The following NBAS variants were observed in gnomAD, a reference collection of about 807,000 sequenced individuals.
NBAS encodes NBAS subunit of NRZ tethering complex, also known as NAG/BC035112 fusion.
NBAS carries 219 observed loss-of-function variants against 302.5 expected under a neutral mutation model. The ratio of observed to expected loss-of-function variants is 0.72; its 90% confidence interval spans 0.65 to 0.81. The LOEUF (loss-of-function observed/expected upper bound fraction) is 0.81. Ranked by LOEUF, NBAS falls within the 30% of genes least tolerant of loss-of-function variation. The pLI is 0.00. For missense variants in NBAS, 2,932 were observed against 2,841.6 expected (o/e 1.03, Z -0.72); for synonymous variants, 1,118 against 1,021.6 (o/e 1.09, Z -1.80).
chr2:15,492,674 T>C (rs1011523919), intron 11 of NBAS, among the ~76,000 whole-genome samples: 5 of 152,096 alleles, frequency 3.3e-5, no homozygotes, highest in African/African-American at 1.2e-4. Context: ...TTGCCCATGC[T>C]GGTCTCAAAC....
the NBAS span, among the ~76,000 whole-genome samples, chr2:14,934,979 A>G: frequency 6.6e-6 from 1 of 152,116 alleles, no homozygotes; most frequent in Non-Finnish European, 1.5e-5. Flanking sequence ...CTATCCCAGG[A>G]TTTCTGAAAT....
intron 48 of NBAS, among the ~76,000 whole-genome samples, chr2:15,214,543 G>A (rs1002597055): frequency 6.6e-6 from 1 of 152,156 alleles, no homozygotes; most frequent in Non-Finnish European, 1.5e-5. Flanking sequence ...TCTAGTTCTA[G>A]GAATCTGTGA....
At chr2:14,871,318 C>G in the NBAS span, among the ~76,000 whole-genome samples, 2 of 151,890 alleles carry the variant, frequency 1.3e-5, no homozygotes, top group Non-Finnish European at 2.9e-5. Context: ...CTCCTAGAAC[C>G]AAGTCTCACA....
the NBAS span, among the ~76,000 whole-genome samples, chr2:14,988,553 C>T: frequency 6.6e-6 from 1 of 152,004 alleles, no homozygotes; most frequent in African/African-American, 2.4e-5. Context: ...TGTCATAGTT[C>T]CAATGACAAC....
At chr2:15,359,917 T>C (rs1005212213) in intron 32 of NBAS, among the ~76,000 whole-genome samples, 31 of 152,070 alleles carry the variant, frequency 2.0e-4, no homozygotes, top group Admixed American at 1.4e-3. Flanking sequence ...TATCACAGAG[T>C]GCACTCACAC....
At chr2:15,093,764 T>A in the NBAS span, among the ~76,000 whole-genome samples, 7,836 of 152,194 alleles carry the variant, frequency 0.051, 389 homozygotes, top group Admixed American at 0.11. Flanking sequence ...GAAACAATAA[T>A]TAAAGACATA....
Position 15,309,214 on chromosome 2 carries a change from T to C in NBAS, c.4616A>G (p.Asn1539Ser). ...LLQLASEALP[N>S]DMTLALAYLL... ...GTAAGCAAGAGCCAAGGTCATGTCATTTGGCAAGGCTTCACTTGCTAGTTG... is the reference window on the plus strand; with the variant it reads ...GTAAGCAAGAGCCAAGGTCATGTCACTTGGCAAGGCTTCACTTGCTAGTTG... Residue 1539 changes from asparagine to serine, a missense_variant, in exon 39 of 52, where the codon AAT becomes AGT. Physicochemically the swap from Asn to Ser is conservative, Grantham distance 46 (BLOSUM62 1). Coordinates refer to ENST00000281513, the MANE Select transcript of NBAS (RefSeq NM_015909.4). 1 of 1,612,666 alleles carries C rather than the reference T, an allele frequency of 6.2e-7. No individual in the cohort carries two copies. Among genetic ancestry groups the C allele is most frequent in the Non-Finnish European group, 8.5e-7 (1 of 1,179,088 alleles).
chr2:14,908,541 C>T, the NBAS span, among the ~76,000 whole-genome samples: 2 of 152,140 alleles, frequency 1.3e-5, no homozygotes, highest in African/African-American at 2.4e-5. Flanking sequence ...TTCTTAGGTT[C>T]CCTGGCCTTA....
At chr2:14,972,894 C>A in the NBAS span, among the ~76,000 whole-genome samples, 2 of 152,208 alleles carry the variant, frequency 1.3e-5, no homozygotes, top group African/African-American at 4.8e-5. Context: ...CCTAGTGTTT[C>A]CAAAACCAAG....
At chr2:15,141,250 T>G in the NBAS span, among the ~76,000 whole-genome samples, 1 of 152,120 alleles carries the variant, frequency 6.6e-6, no homozygotes, top group Non-Finnish European at 1.5e-5. Flanking sequence ...TGAATTGGCC[T>G]AGACTATGGT....
the NBAS span, among the ~76,000 whole-genome samples, chr2:15,094,435 A>T: frequency 6.6e-6 from 1 of 152,234 alleles, no homozygotes; most frequent in Non-Finnish European, 1.5e-5. Context: ...ACTTTAATTA[A>T]GCCTTGTCAA....
chr2:14,840,720 C>G, the NBAS span, among the ~76,000 whole-genome samples: 5 of 152,004 alleles, frequency 3.3e-5, no homozygotes, highest in South Asian at 8.3e-4. Context: ...AAATCTTTTC[C>G]AGACAAACAA....
the NBAS span, among the ~76,000 whole-genome samples, chr2:15,017,211 A>G: frequency 6.6e-6 from 1 of 152,136 alleles, no homozygotes; most frequent in African/African-American, 2.4e-5. Context: ...CTATAAAACC[A>G]CTAGAAGAAA....
chr2:15,170,206 C>T (rs1054947007), intron 51 of NBAS, among the ~76,000 whole-genome samples: 1 of 152,194 alleles, frequency 6.6e-6, no homozygotes, highest in African/African-American at 2.4e-5. Flanking sequence ...TTAACGCCTG[C>T]GGCCGCTGCT....
At chr2:14,840,500 G>T in the NBAS span, among the ~76,000 whole-genome samples, 1 of 152,038 alleles carries the variant, frequency 6.6e-6, no homozygotes, top group Non-Finnish European at 1.5e-5. Context: ...CTGAGATCAA[G>T]AACAAAGAGA....
chr2:14,922,304 G>A, the NBAS span, among the ~76,000 whole-genome samples: 1 of 152,184 alleles, frequency 6.6e-6, no homozygotes, highest in East Asian at 1.9e-4. Flanking sequence ...TTTAATAATG[G>A]TAAAATGGAG....
intron 48 of NBAS, among the ~76,000 whole-genome samples, chr2:15,206,245 A>C (rs1666136980): frequency 6.6e-6 from 1 of 152,210 alleles, no homozygotes; most frequent in South Asian, 2.1e-4. Flanking sequence ...TGAGCTTGAA[A>C]ATGATAATTT....
intron 21 of NBAS, among the ~76,000 whole-genome samples, chr2:15,444,663 T>C (rs1437706905): frequency 6.6e-6 from 1 of 151,948 alleles, no homozygotes; most frequent in East Asian, 1.9e-4. Context: ...TAGGATCTAA[T>C]TAAACTAAAG....
At chr2:15,305,800 C>A (rs1308827556) in intron 40 of NBAS, among the ~76,000 whole-genome samples, 2 of 152,138 alleles carry the variant, frequency 1.3e-5, no homozygotes, top group Non-Finnish European at 2.9e-5. Context: ...GCCTTCCAAT[C>A]TTATGTATTC....
Sources: gnomAD v4.1 joint callset for allele counts (sites outside exome capture counted in the v4.1 genomes callset) on GRCh38, gnomAD v4.1.1 for gene constraint, MANE v1.5 for transcripts, NCBI Gene and HGNC (gene_info 2026-07-23, HGNC 2026-07-21) for gene names.